The following NSMAF variants were observed in gnomAD, a reference collection of about 807,000 sequenced individuals.
NSMAF encodes the protein neutral sphingomyelinase activation associated factor.
In NSMAF, 90 loss-of-function variants were observed where a neutral mutation model predicts 134.9. The ratio of observed to expected loss-of-function variants is 0.67; its 90% confidence interval spans 0.56 to 0.79. NSMAF has a LOEUF of 0.79. Among genes scored for constraint, NSMAF ranks in the 30% least tolerant of loss-of-function variants. The pLI is 0.00. For synonymous variants in NSMAF, 358 were observed against 389.6 expected (o/e 0.92, Z 0.96); for missense variants, 1,010 against 1,119.0 (o/e 0.90, Z 1.39).
intron 19 of NSMAF, 105 bp from the exon 20 acceptor site, chr8:58,598,007 A>G (rs1200941614): frequency 1.2e-6 from 1 of 822,816 alleles, no homozygotes; most frequent in Non-Finnish European, 2.0e-6. Context: ...TGTTCAAAGA[A>G]ATTGCTATTC....
At chr8:58,592,651 G>C (rs1317461412) in intron 23 of NSMAF, among the ~76,000 whole-genome samples, 2 of 152,180 alleles carry the variant, frequency 1.3e-5, no homozygotes. Context: ...ACGTTGGGAG[G>C]CCGAGGCAGG....
chr8:58,659,744 G>T lies in NSMAF; in HGVS notation c.-113C>A. The T allele has an allele frequency of 1.2e-6, 1 of 847,358 alleles. No homozygotes were observed. The highest frequency in any genetic ancestry group is 1.6e-6 in the Non-Finnish European group (1 of 640,766). 52.5% of individuals were successfully genotyped at this position (847,358 alleles called of 1,614,324 possible). Reference sequence around the variant, plus strand: ...ATTGGTGGCCGGCTGGGGAGCGCGCGGCTGCCGGCCTGGCTTCCCCTGCGG... The same window carrying T: ...ATTGGTGGCCGGCTGGGGAGCGCGCTGCTGCCGGCCTGGCTTCCCCTGCGG... On this transcript the variant is annotated 5_prime_UTR_variant, in exon 1 of 31. Coordinates refer to ENST00000038176, the MANE Select transcript of NSMAF (RefSeq NM_003580.4).
intron 9 of NSMAF, among the ~76,000 whole-genome samples, chr8:58,616,308 C>G (rs564250507): frequency 6.6e-6 from 1 of 151,950 alleles, no homozygotes; most frequent in South Asian, 2.1e-4. Context: ...TGACAAATAC[C>G]TTACAAGAGA....
At chr8:58,610,666 A>C (rs1806508411) in intron 9 of NSMAF, among the ~76,000 whole-genome samples, 1 of 152,214 alleles carries the variant, frequency 6.6e-6, no homozygotes, top group Admixed American at 6.5e-5. Flanking sequence ...GAAGTGAGTA[A>C]GGGCTGCAGA....
chr8:58,603,983 G>GA (rs1401696715), intron 12 of NSMAF, among the ~76,000 whole-genome samples: 1 of 152,064 alleles, frequency 6.6e-6, no homozygotes, highest in Non-Finnish European at 1.5e-5. Context: ...AAATACCTCA[G>GA]GAAAAATGAG....
chr8:58,600,035 A>C lies in NSMAF; in HGVS notation c.1281-14T>G. ...GTTTCTGCAATACTACATATGAAAAAAAAATTCACCTATTTTCAGCTAAGG... is the reference window on the plus strand; with the variant it reads ...GTTTCTGCAATACTACATATGAAAACAAAATTCACCTATTTTCAGCTAAGG... On this transcript the variant is annotated splice_polypyrimidine_tract_variant and intron_variant, in intron 16 of 30. Transcript: ENST00000038176. 6.2e-7 allele frequency: 1 copy of C among 1,607,222 alleles called. No homozygotes were observed. Among genetic ancestry groups the C allele is most frequent in the Non-Finnish European group, 8.5e-7 (1 of 1,175,082 alleles).
chr8:58,601,954 G>T, intron 14 of NSMAF, 104 bp downstream of exon 14: 2 of 816,650 alleles, frequency 2.4e-6, no homozygotes, highest in South Asian at 1.7e-5. Flanking sequence ...TAGAGTCACT[G>T]GTATAATTCC....
intron 2 of NSMAF, among the ~76,000 whole-genome samples, chr8:58,637,681 C>T (rs572442107): frequency 1.4e-4 from 22 of 152,220 alleles, no homozygotes; most frequent in South Asian, 6.2e-4. Context: ...CAAAAAACAG[C>T]GTTGCATTTC....
intron 1 of NSMAF, among the ~76,000 whole-genome samples, chr8:58,653,323 A>T (rs1028650211): frequency 2.6e-5 from 4 of 152,246 alleles, no homozygotes; most frequent in Admixed American, 6.5e-5. Context: ...CTAAAAAATA[A>T]AAGTGAATTC....
intron 21 of NSMAF, among the ~76,000 whole-genome samples, chr8:58,597,056 T>C (rs1806152898): frequency 6.6e-6 from 1 of 152,024 alleles, no homozygotes; most frequent in Non-Finnish European, 1.5e-5. Context: ...GCTAGGACTG[T>C]AAGAATGAAA....
chr8:58,644,160 T>C (rs897973745), intron 1 of NSMAF, among the ~76,000 whole-genome samples: 1 of 152,200 alleles, frequency 6.6e-6, no homozygotes, highest in Non-Finnish European at 1.5e-5. Context: ...AGTTCCAGTG[T>C]GTTGGAGGAA....
intron 9 of NSMAF, among the ~76,000 whole-genome samples, chr8:58,620,239 G>C (rs1806755078): frequency 1.3e-5 from 2 of 152,168 alleles, no homozygotes; most frequent in South Asian, 4.1e-4. Flanking sequence ...GAAGAACTGA[G>C]AGCACAGCTG....
intron 1 of NSMAF, among the ~76,000 whole-genome samples, chr8:58,651,837 G>C (rs1333158661): frequency 6.6e-6 from 1 of 152,236 alleles, no homozygotes; most frequent in Non-Finnish European, 1.5e-5. Flanking sequence ...AGCAGCTTCA[G>C]GGTGAGGCCT....
At chr8:58,604,009 A>G (rs145670976) in intron 12 of NSMAF, among the ~76,000 whole-genome samples, 1 of 152,370 alleles carries the variant, frequency 6.6e-6, no homozygotes, top group Non-Finnish European at 1.5e-5. Context: ...AGATAAATGC[A>G]GCAATGAGAA....
At chr8:58,653,322 A>G (rs1031563534) in intron 1 of NSMAF, among the ~76,000 whole-genome samples, 7 of 152,242 alleles carry the variant, frequency 4.6e-5, no homozygotes, top group Non-Finnish European at 1.0e-4. Context: ...ACTAAAAAAT[A>G]AAAGTGAATT....
Position 58,607,936 on chromosome 8 carries a change from C to G in NSMAF, c.688-96G>C, listed in dbSNP as rs914715579. On this transcript the variant is annotated intron_variant, in intron 10 of 30. Transcript: ENST00000038176. The stretch of plus-strand genomic sequence containing the variant: ...AAAGGGGAAAAAAAAATCACCAAAT[C>G]TTGCTTTCCTAATAAACCATTGGAA... 6 of 1,007,828 alleles carry G rather than the reference C, an allele frequency of 6.0e-6. No homozygotes were observed. In the African/African-American group the frequency reaches 9.6e-5, roughly 16 times the overall value. The allele number at this position is 1,007,828 out of a possible 1,614,324, so 62.4% of individuals were successfully genotyped here.
At chr8:58,598,862 A>C (rs1806205667) in intron 19 of NSMAF, among the ~76,000 whole-genome samples, 4 of 152,074 alleles carry the variant, frequency 2.6e-5, no homozygotes. Context: ...CACGACCAAA[A>C]AAAATACAAA....
chr8:58,607,930 C>T (rs77940965), intron 10 of NSMAF, 90 bp from the exon 11 acceptor site: 79 of 1,045,440 alleles, frequency 7.6e-5, no homozygotes, highest in Non-Finnish European at 1.6e-5. Flanking sequence ...AAAAAAATCA[C>T]CAAATCTTGC....
chr8:58,646,323 C>T (rs1420408946), intron 1 of NSMAF, among the ~76,000 whole-genome samples: 2 of 152,174 alleles, frequency 1.3e-5, no homozygotes, highest in Non-Finnish European at 2.9e-5. Flanking sequence ...CACTCCTTCT[C>T]TTATAGAGAG....
Sources: gnomAD v4.1 joint callset for allele counts (sites outside exome capture counted in the v4.1 genomes callset) on GRCh38, gnomAD v4.1.1 for gene constraint, MANE v1.5 for transcripts, NCBI Gene and HGNC (gene_info 2026-07-23, HGNC 2026-07-21) for gene names.